Variants in SF3B3 observed in about 807,000 individuals in gnomAD.
SF3B3 encodes the protein SAP 130.
In SF3B3, 33 loss-of-function variants were observed where a neutral mutation model predicts 139.2. That is an observed-to-expected ratio of 0.24 (90% CI 0.18 to 0.32). The LOEUF is 0.32. SF3B3 is among the 10% of genes least tolerant of loss of function. The pLI is 1.00. For synonymous variants in SF3B3, 596 were observed against 563.6 expected, an observed-to-expected ratio of 1.06 and a Z score of -0.81; for missense variants, 818 against 1,509.4, an observed-to-expected ratio of 0.54 and a Z score of 7.59.
chr16:70,565,283 G>C lies in SF3B3; in HGVS notation c.2669+13G>C. 1 of 1,614,120 alleles carries C rather than the reference G, an allele frequency of 6.2e-7. No individual in the cohort carries two copies. The highest frequency in any genetic ancestry group is 1.1e-5 in the South Asian group (1 of 91,080). On this transcript the variant is annotated intron_variant, in intron 19 of 25. Coordinates refer to ENST00000302516, the MANE Select transcript of SF3B3 (RefSeq NM_012426.5). ...AGGCAGCTTTTAGGTAAGCAGCCCAGGACAGTCCAGGGTTTGGCAGGCTGG... is the reference window on the plus strand; with the variant it reads ...AGGCAGCTTTTAGGTAAGCAGCCCACGACAGTCCAGGGTTTGGCAGGCTGG...
At position 70,563,868 on chromosome 16, in the gene SF3B3, T is replaced by TG. The variant is rs1281764801; in HGVS notation, c.2289-7dup. 1 of 1,613,554 alleles carries TG rather than the reference T, an allele frequency of 6.2e-7. No individual in the cohort carries two copies. ...GTATTAAATAACTGCCTTGCTTTTT[T>TG]GTCATAGGATTTTGGCATTAGAGAA... On this transcript the variant is annotated splice_polypyrimidine_tract_variant and splice_region_variant and intron_variant, in intron 17 of 25. Transcript: ENST00000302516.
intron 20 of SF3B3, 128 bp from the exon 21 acceptor site, chr16:70,567,283 C>T (rs937069734): frequency 3.9e-6 from 4 of 1,026,088 alleles, no homozygotes; most frequent in Non-Finnish European, 4.3e-6. Context: ...GATTCATTAG[C>T]AAAATAAGCT....
At chr16:70,554,209 T>A (rs569583867) in intron 11 of SF3B3, 2 of 402,240 alleles carry the variant, frequency 5.0e-6, no homozygotes, top group Non-Finnish European at 9.0e-6. Flanking sequence ...CTCTCACTTC[T>A]TTAGCAGATG....
At chr16:70,544,751 C>T (rs906928010) in intron 10 of SF3B3, among the ~76,000 whole-genome samples, 20 of 152,190 alleles carry the variant, frequency 1.3e-4, no homozygotes, top group African/African-American at 4.8e-4. Flanking sequence ...TGTGCAATGA[C>T]ATGATCTTGG....
intron 3 of SF3B3, 65 bp downstream of exon 3, chr16:70,529,264 G>A (rs1176783856): frequency 9.1e-6 from 12 of 1,324,876 alleles, no homozygotes; most frequent in African/African-American, 1.4e-5. Flanking sequence ...GCTCTTGGTG[G>A]TGTGCCAGTG....
chr16:70,557,142 T>A, intron 15 of SF3B3, 113 bp downstream of exon 15: 13 of 1,133,368 alleles, frequency 1.1e-5, no homozygotes, highest in Non-Finnish European at 1.6e-5. Context: ...CCTCACCTTA[T>A]GAAAAGTGAA....
At chr16:70,547,081 C>G (rs1567416640) in intron 10 of SF3B3, among the ~76,000 whole-genome samples, 1 of 152,012 alleles carries the variant, frequency 6.6e-6, no homozygotes, top group Admixed American at 6.6e-5. Flanking sequence ...TCCTTTATGT[C>G]TATTTGTTAC....
chr16:70,566,433 G>T, intron 20 of SF3B3, among the ~76,000 whole-genome samples: 1 of 151,678 alleles, frequency 6.6e-6, no homozygotes, highest in South Asian at 2.1e-4. Flanking sequence ...ATGGTGGTGG[G>T]CGCCTGTAAC....
chr16:70,560,661 G>C, intron 16 of SF3B3, 70 bp downstream of exon 16: 1 of 1,552,580 alleles, frequency 6.4e-7, no homozygotes, highest in South Asian at 1.2e-5. Flanking sequence ...AACAATCTTT[G>C]CTGTAAGCTT....
intron 3 of SF3B3, chr16:70,529,410 C>A (rs2050099171): frequency 1.8e-6 from 1 of 557,206 alleles, no homozygotes; most frequent in South Asian, 2.4e-5. Flanking sequence ...TACTTCCCAT[C>A]TAGTTGGAAA....
chr16:70,536,036 A>G (rs2050162588), intron 6 of SF3B3, among the ~76,000 whole-genome samples: 1 of 152,138 alleles, frequency 6.6e-6, no homozygotes, highest in Non-Finnish European at 1.5e-5. Context: ...ATACCCAAGA[A>G]ATTGTAACAT....
Position 70,556,331 on chromosome 16 carries a change from C to T in SF3B3, c.1863C>T (p.Pro621=), listed in dbSNP as rs1195783062. 4 of 1,614,162 alleles carry T rather than the reference C, an allele frequency of 2.5e-6. No individual in the cohort carries two copies. The highest frequency in any genetic ancestry group is 2.5e-6 in the Non-Finnish European group (3 of 1,180,006). ...CTGTCAGAATCATCTCCCTGGATCC[C>T]TCAGTGAGTGACACTCTGAGCTTCA... ...DNTVRIISLD[P]SDCLQPLSMQ... is the part of the protein sequence containing the mutation. The change falls in exon 14 of 26, where the codon CCC becomes CCT. Residue 621 remains proline, a synonymous_variant. Transcript: ENST00000302516.
intron 22 of SF3B3, 124 bp downstream of exon 22, chr16:70,568,619 T>C: frequency 1.4e-6 from 1 of 723,262 alleles, no homozygotes; most frequent in Non-Finnish European, 2.3e-6. Context: ...TCCATCCTAC[T>C]AAAGCTAACT....
chr16:70,540,361 C>T (rs768503444), intron 8 of SF3B3, among the ~76,000 whole-genome samples: 5 of 145,820 alleles, frequency 3.4e-5, no homozygotes, highest in South Asian at 5.0e-4. Flanking sequence ...CGTGCCCAGC[C>T]GAGCCTTCTT....
chr16:70,559,922 G>C (rs944669687), intron 15 of SF3B3, among the ~76,000 whole-genome samples: 7 of 48,040 alleles, frequency 1.5e-4, no homozygotes, highest in Non-Finnish European at 2.6e-4. Context: ...TGAGGGGTGC[G>C]GGGGGGTGGT....
At chr16:70,547,917 A>G (rs1396749002) in intron 10 of SF3B3, among the ~76,000 whole-genome samples, 1 of 152,190 alleles carries the variant, frequency 6.6e-6, no homozygotes. Context: ...ATGAGTGCTT[A>G]TAGAAGGGAG....
intron 6 of SF3B3, among the ~76,000 whole-genome samples, chr16:70,536,628 G>A (rs1567411948): frequency 1.3e-5 from 2 of 151,720 alleles, no homozygotes; most frequent in Admixed American, 6.6e-5. Context: ...CAAAGTGCTG[G>A]GATTACAGGC....
intron 14 of SF3B3, 126 bp downstream of exon 14, chr16:70,556,460 C>T: frequency 1.0e-6 from 1 of 990,678 alleles, no homozygotes; most frequent in Non-Finnish European, 1.6e-6. Context: ...ACCCAGAATC[C>T]ATACCTGCTG....
chr16:70,556,529 C>G (rs2050381091), intron 14 of SF3B3, 195 bp downstream of exon 14: 1 of 638,474 alleles, frequency 1.6e-6, no homozygotes, highest in Non-Finnish European at 2.7e-6. Flanking sequence ...AGGATATGAT[C>G]TGAGACTACA....
Sources: gnomAD v4.1 joint callset for allele counts (sites outside exome capture counted in the v4.1 genomes callset) on GRCh38, gnomAD v4.1.1 for gene constraint, MANE v1.5 for transcripts, NCBI Gene and HGNC (gene_info 2026-07-23, HGNC 2026-07-21) for gene names.